Variants in CELF5 observed in about 807,000 individuals in gnomAD.
CELF5 encodes CUG-BP and ETR-3 like factor 5.
CELF5 carries 6 observed loss-of-function variants against 54.9 expected under a neutral mutation model. That is an observed-to-expected ratio of 0.11 (90% confidence interval 0.06 to 0.22). The LOEUF (loss-of-function observed/expected upper bound fraction) is 0.22, where lower values mean the gene tolerates loss of function less well. Among genes scored for constraint, CELF5 ranks in the 10% least tolerant of loss-of-function variants. The pLI, the probability that CELF5 is intolerant of heterozygous loss-of-function variation, is 1.00. For missense variants in CELF5, 401 were observed against 678.6 expected (o/e 0.59, Z 4.54); for synonymous variants, 271 against 290.9 (o/e 0.93, Z 0.70).
intron 3 of CELF5, among the ~76,000 whole-genome samples, chr19:3,274,166 G>GT (rs79266542): frequency 3.3e-5 from 5 of 151,864 alleles, no homozygotes; most frequent in Admixed American, 1.3e-4. Context: ...GAGGATGGGG[G>GT]GTCTAGCCAG....
At chr19:3,232,339 G>A (rs977726287) in intron 1 of CELF5, among the ~76,000 whole-genome samples, 2 of 152,058 alleles carry the variant, frequency 1.3e-5, no homozygotes, top group African/African-American at 4.8e-5. Context: ...AGGATCCCTT[G>A]AGCCCAGGAG....
At chr19:3,296,314 G>GA (rs921792714) in intron 12 of CELF5, 1 of 13,830 alleles carries the variant, frequency 7.2e-5, no homozygotes, top group Non-Finnish European at 1.4e-4. Flanking sequence ...AAGCTCAAAA[G>GA]AAAAAAACAT....
chr19:3,252,153 C>T (rs561291570), intron 2 of CELF5, among the ~76,000 whole-genome samples: 8 of 152,286 alleles, frequency 5.3e-5, no homozygotes, highest in East Asian at 1.9e-4. Flanking sequence ...CCTCCTACCT[C>T]GGCCTCCTGA....
chr19:3,230,077 C>CTCATTCAT (rs113956897), intron 1 of CELF5, among the ~76,000 whole-genome samples: 5,017 of 149,286 alleles, frequency 0.034, 93 homozygotes, highest in East Asian at 0.08. Flanking sequence ...TAGGACCACA[C>CTCATTCAT]TCATTCATTC....
At chr19:3,289,126 A>T (rs562463322) in intron 10 of CELF5, among the ~76,000 whole-genome samples, 2 of 152,170 alleles carry the variant, frequency 1.3e-5, no homozygotes, top group African/African-American at 4.8e-5. Context: ...TAGTTTTAGG[A>T]TATCTGGGAC....
intron 1 of CELF5, among the ~76,000 whole-genome samples, chr19:3,234,933 G>A (rs1349286876): frequency 6.6e-6 from 1 of 151,940 alleles, no homozygotes; most frequent in Admixed American, 6.6e-5. Flanking sequence ...ACCAGAGAGC[G>A]CCTGTGAGCA....
chr19:3,296,434 G>GAAAAAAAAAAAAAAAAAAAAAAAAAAGA (rs5826810), intron 12 of CELF5: 1 of 54,864 alleles, frequency 1.8e-5, no homozygotes, highest in Non-Finnish European at 3.2e-5. Context: ...AAACCACACA[G>GAAAAAAAAAAAAAAAAAAAAAAAAAAGA]AAAAAAAAAA....
chr19:3,229,747 A>T (rs312065), intron 1 of CELF5, among the ~76,000 whole-genome samples: 110 of 152,212 alleles, frequency 7.2e-4, no homozygotes, highest in Non-Finnish European at 1.4e-3. Flanking sequence ...GGCTTGTTAC[A>T]TGACTACGCT....
intron 3 of CELF5, 107 bp downstream of exon 3, chr19:3,274,030 T>A: frequency 8.7e-7 from 1 of 1,154,846 alleles, no homozygotes. Flanking sequence ...GGCCGAGGCC[T>A]GTGGATCTGG....
intron 11 of CELF5, among the ~76,000 whole-genome samples, chr19:3,292,243 G>A (rs938144825): frequency 3.3e-5 from 5 of 151,592 alleles, no homozygotes; most frequent in South Asian, 2.1e-4. Context: ...CACCACACCC[G>A]GCCAAAGACC....
intron 10 of CELF5, among the ~76,000 whole-genome samples, chr19:3,287,535 G>A (rs1465162204): frequency 1.3e-5 from 2 of 150,772 alleles, no homozygotes; most frequent in African/African-American, 2.4e-5. Context: ...CTTCAGCCTG[G>A]GCAACAGAGC....
chr19:3,278,290 C>G lies in CELF5; in HGVS notation c.603+180C>G, dbSNP rs573053474. ...GGCTGTGGTCCCTGGAGTGGGTATA[C>G]ACGTGTGAGTGTGTGCAGATGTGGA... is the stretch of plus-strand genomic sequence containing the variant. On this transcript the variant is annotated intron_variant, in intron 5 of 12. Transcript: ENST00000292672. The surrounding 1 kb of genome is among the most constrained non-coding windows in gnomAD (Gnocchi z 4.5). Among the ~76,000 whole-genome samples the G allele has an allele frequency of 2.6e-5, 4 of 152,120 alleles. No homozygotes were observed. The highest frequency in any genetic ancestry group is 4.4e-5 in the Non-Finnish European group (3 of 68,032).
chr19:3,237,761 A>T (rs1030545103), intron 1 of CELF5, among the ~76,000 whole-genome samples: 28 of 152,116 alleles, frequency 1.8e-4, no homozygotes, highest in African/African-American at 6.8e-4. Context: ...AAGAATATCT[A>T]ACTTGAGGCC....
chr19:3,256,904 C>T (rs145055101), intron 2 of CELF5, among the ~76,000 whole-genome samples: 1 of 151,974 alleles, frequency 6.6e-6, no homozygotes, highest in South Asian at 2.1e-4. Context: ...TTTGCTGTGT[C>T]GCCCAGGTTG....
intron 2 of CELF5, among the ~76,000 whole-genome samples, chr19:3,271,882 G>C (rs942969199): frequency 6.6e-6 from 1 of 152,136 alleles, no homozygotes. Context: ...AAATGGGGAG[G>C]AGGCATTATT....
chr19:3,251,905 C>T (rs933341112), intron 2 of CELF5, among the ~76,000 whole-genome samples: 4 of 152,000 alleles, frequency 2.6e-5, no homozygotes, highest in African/African-American at 9.7e-5. Context: ...AAACTCTTGA[C>T]CTCAAGTGAT....
Position 3,275,829 on chromosome 19 carries a change from G to A in CELF5, c.395-27G>A. The A allele has an allele frequency of 6.3e-7, 1 of 1,593,118 alleles. No homozygotes were observed. The highest frequency in any genetic ancestry group is 1.3e-5 in the African/African-American group (1 of 74,672). ...AGGCCCTCCCGGAGGCCGGGGACTC[G>A]GCTGAGGTGGGTGTCGCCGCCCACA... On this transcript the variant is annotated intron_variant, in intron 3 of 12. Transcript: ENST00000292672. The surrounding 1 kb of genome is among the most constrained non-coding windows in gnomAD (Gnocchi z 6.7).
At chr19:3,274,003 C>G in intron 3 of CELF5, 80 bp downstream of exon 3, 1 of 1,436,214 alleles carries the variant, frequency 7.0e-7, no homozygotes, top group Non-Finnish European at 9.8e-7. Flanking sequence ...CTTCCTCTCT[C>G]CTGCAAAAGG....
At chr19:3,262,593 GATC>G (rs1314745732) in intron 2 of CELF5, among the ~76,000 whole-genome samples, 2 of 152,100 alleles carry the variant, frequency 1.3e-5, no homozygotes, top group Admixed American at 1.3e-4. Flanking sequence ...CCAGGGTCTG[GATC>G]ATATCGGACA....
Sources: allele counts gnomAD v4.1 joint callset (sites outside exome capture counted in the v4.1 genomes callset), GRCh38; gene constraint gnomAD v4.1.1; non-coding constraint Gnocchi (gnomAD v3.1); transcripts MANE v1.5; gene names NCBI Gene and HGNC (gene_info 2026-07-23, HGNC 2026-07-21).